Variants in ADGRG6 observed in about 807,000 individuals in gnomAD.
The protein encoded by ADGRG6 is adhesion G protein-coupled receptor G6, also known as G-protein coupled receptor 126.
ADGRG6 carries 84 observed loss-of-function variants against 142.4 expected under a neutral mutation model. The ratio of observed to expected loss-of-function variants is 0.59; its 90% confidence interval spans 0.49 to 0.71. The LOEUF (loss-of-function observed/expected upper bound fraction) is 0.71, where lower values mean the gene tolerates loss of function less well. Ranked by LOEUF, ADGRG6 falls within the 30% of genes least tolerant of loss-of-function variation. ADGRG6 has a pLI of 0.00. For synonymous variants in ADGRG6, 521 were observed against 520.5 expected (o/e 1.00, Z -0.01); for missense variants, 1,367 against 1,466.6 (o/e 0.93, Z 1.11).
chr6:142,410,684 T>C (rs1464193278), intron 17 of ADGRG6, among the ~76,000 whole-genome samples: 2 of 152,222 alleles, frequency 1.3e-5, no homozygotes, highest in East Asian at 3.9e-4. Context: ...AGGGGTTTAG[T>C]TGCATAATTT....
intron 2 of ADGRG6, among the ~76,000 whole-genome samples, chr6:142,317,966 TATTATATATATTTATATTAC>T (rs1476791489): frequency 1.6e-4 from 11 of 67,158 alleles, no homozygotes; most frequent in African/African-American, 5.3e-4. Flanking sequence ...TATATTTATA[TATTATATATATTTATATTAC>T]ATATTTATAT....
intron 22 of ADGRG6, among the ~76,000 whole-genome samples, chr6:142,420,682 A>G (rs1776620302): frequency 6.6e-6 from 1 of 152,186 alleles, no homozygotes; most frequent in Non-Finnish European, 1.5e-5. Context: ...AATTCAACAA[A>G]CATTTGTCAA....
intron 2 of ADGRG6, among the ~76,000 whole-genome samples, chr6:142,356,919 T>G (rs886469116): frequency 1.3e-5 from 2 of 152,212 alleles, no homozygotes; most frequent in African/African-American, 2.4e-5. Flanking sequence ...TTAGAGTTAT[T>G]TTTATTATTT....
At chr6:142,349,537 G>A (rs1373029258) in intron 2 of ADGRG6, among the ~76,000 whole-genome samples, 1 of 152,220 alleles carries the variant, frequency 6.6e-6, no homozygotes, top group Non-Finnish European at 1.5e-5. Flanking sequence ...CGTAGTCTGA[G>A]GGAAACTCAA....
intron 2 of ADGRG6, among the ~76,000 whole-genome samples, chr6:142,346,466 C>T (rs921320545): frequency 6.6e-6 from 1 of 152,156 alleles, no homozygotes; most frequent in African/African-American, 2.4e-5. Flanking sequence ...AGTATCTGTT[C>T]ATATCCTTTG....
chr6:142,354,083 G>A lies in ADGRG6; in HGVS notation c.104-13486G>A, dbSNP rs113462139. The stretch of plus-strand genomic sequence containing the variant: ...GAAACTTAGACTTGTGTCCAAAATA[G>A]CTTTATATGAATTATAGATGTTTAA... On this transcript the variant is annotated intron_variant, in intron 2 of 24. Transcript: ENST00000367609. Among the ~76,000 whole-genome samples, 1,205 of 152,220 alleles carry A rather than the reference G, an allele frequency of 7.9e-3. 19 individuals are homozygous for A. Among genetic ancestry groups the A allele is most frequent in the African/African-American group, 0.027 (1,119 of 41,538 alleles).
At chr6:142,349,270 G>A (rs539700434) in intron 2 of ADGRG6, among the ~76,000 whole-genome samples, 2 of 152,194 alleles carry the variant, frequency 1.3e-5, no homozygotes, top group Non-Finnish European at 2.9e-5. Flanking sequence ...GCAGGGGGTT[G>A]GTCAGGGACT....
intron 9 of ADGRG6, among the ~76,000 whole-genome samples, chr6:142,394,771 G>A (rs1459039385): frequency 6.6e-6 from 1 of 151,862 alleles, no homozygotes; most frequent in East Asian, 1.9e-4. Flanking sequence ...TATTTTTGTA[G>A]AGACTGGGTC....
At chr6:142,424,950 G>A (rs1184955677) in intron 22 of ADGRG6, among the ~76,000 whole-genome samples, 2 of 152,150 alleles carry the variant, frequency 1.3e-5, no homozygotes, top group African/African-American at 4.8e-5. Context: ...GGGAGTAAGA[G>A]TAGGAAGAAT....
chr6:142,414,467 G>A (rs1469185383), intron 18 of ADGRG6, among the ~76,000 whole-genome samples: 2 of 152,186 alleles, frequency 1.3e-5, no homozygotes, highest in Non-Finnish European at 2.9e-5. Context: ...AGGAGCCTCC[G>A]CACCACCCTT....
chr6:142,328,744 C>T (rs1778902992), intron 2 of ADGRG6, among the ~76,000 whole-genome samples: 1 of 152,104 alleles, frequency 6.6e-6, no homozygotes, highest in Non-Finnish European at 1.5e-5. Flanking sequence ...TCATTACAGA[C>T]CTACTGAGTC....
At chr6:142,340,788 T>G (rs1163180705) in intron 2 of ADGRG6, among the ~76,000 whole-genome samples, 1 of 152,118 alleles carries the variant, frequency 6.6e-6, no homozygotes, top group Non-Finnish European at 1.5e-5. Context: ...TTTTACAAGC[T>G]TAGAACATGT....
At chr6:142,436,758 A>G (rs532524489) in intron 22 of ADGRG6, among the ~76,000 whole-genome samples, 1 of 152,332 alleles carries the variant, frequency 6.6e-6, no homozygotes, top group East Asian at 1.9e-4. Flanking sequence ...TGAAAAGTTA[A>G]AAGGGATTGG....
At chr6:142,307,797 C>T (rs939797748) in intron 1 of ADGRG6, among the ~76,000 whole-genome samples, 7 of 151,976 alleles carry the variant, frequency 4.6e-5, no homozygotes, top group Non-Finnish European at 8.8e-5. Flanking sequence ...AAACAACTTG[C>T]AAACAAGAGA....
intron 2 of ADGRG6, among the ~76,000 whole-genome samples, chr6:142,330,598 G>A (rs1234057361): frequency 6.6e-6 from 1 of 152,156 alleles, no homozygotes; most frequent in East Asian, 1.9e-4. Flanking sequence ...AACAGATGAT[G>A]TATTACAGTT....
intron 10 of ADGRG6, among the ~76,000 whole-genome samples, chr6:142,398,272 A>T (rs942953112): frequency 6.6e-6 from 1 of 152,150 alleles, no homozygotes; most frequent in African/African-American, 2.4e-5. Flanking sequence ...AAAGATTAAG[A>T]AATTAGTTGG....
At chr6:142,428,535 A>G (rs940355138) in intron 22 of ADGRG6, among the ~76,000 whole-genome samples, 7 of 152,162 alleles carry the variant, frequency 4.6e-5, no homozygotes, top group African/African-American at 1.7e-4. Flanking sequence ...GGTAATTTAT[A>G]AAGGGAAGAG....
chr6:142,347,288 T>C (rs1389211927), intron 2 of ADGRG6, among the ~76,000 whole-genome samples: 1 of 152,166 alleles, frequency 6.6e-6, no homozygotes, highest in Non-Finnish European at 1.5e-5. Flanking sequence ...CACGTCAGTA[T>C]CCATTCTGAT....
intron 4 of ADGRG6, 24 bp downstream of exon 4, chr6:142,370,817 T>A: frequency 1.9e-6 from 3 of 1,564,728 alleles, no homozygotes; most frequent in Non-Finnish European, 2.6e-6. Context: ...GTATTCCTTT[T>A]TTTTTTTTTT....
Sources: gnomAD v4.1 joint callset for allele counts (sites outside exome capture counted in the v4.1 genomes callset) on GRCh38, gnomAD v4.1.1 for gene constraint, MANE v1.5 for transcripts, NCBI Gene and HGNC (gene_info 2026-07-23, HGNC 2026-07-21) for gene names.